The following PRKCH variants were observed in gnomAD, a reference collection of about 807,000 sequenced individuals.
PRKCH encodes protein kinase C eta type.
PRKCH carries 28 observed loss-of-function variants against 82.5 expected under a neutral mutation model. The observed-to-expected ratio is 0.34, with a 90% CI of 0.25 to 0.47. The LOEUF (loss-of-function observed/expected upper bound fraction) is 0.47. PRKCH is among the 20% of genes least tolerant of loss of function. PRKCH has a pLI of 1.00. For synonymous variants in PRKCH, 322 were observed against 327.4 expected (o/e 0.98, Z 0.18); for missense variants, 705 against 881.8 (o/e 0.80, Z 2.54).
At chr14:61,319,121 C>A (rs1161165993), upstream of PRKCH, among the ~76,000 whole-genome samples, 1 of 152,178 alleles carries the variant, frequency 6.6e-6, no homozygotes, top group Non-Finnish European at 1.5e-5. Flanking sequence ...GTCAGTGTGA[C>A]CACCTTTGCA....
intron 1 of PRKCH, among the ~76,000 whole-genome samples, chr14:61,375,642 A>G (rs2046419416): frequency 6.6e-6 from 1 of 151,952 alleles, no homozygotes; most frequent in African/African-American, 2.4e-5. Flanking sequence ...CACACTTTCA[A>G]ACAACCAGAT....
intron 10 of PRKCH, among the ~76,000 whole-genome samples, chr14:61,519,831 G>A (rs904885508): frequency 1.3e-5 from 2 of 150,528 alleles, no homozygotes; most frequent in Non-Finnish European, 2.9e-5. Flanking sequence ...TGCCATCCAC[G>A]ACAATCATAG....
At chr14:61,240,719 G>T (rs2044829856) in intron 1 of PRKCH, among the ~76,000 whole-genome samples, 1 of 150,500 alleles carries the variant, frequency 6.6e-6, no homozygotes, top group African/African-American at 2.5e-5. Flanking sequence ...GTGGCCATAT[G>T]GTCACCTGAG....
chr14:61,307,559 A>C (rs987593035), intron 1 of PRKCH, among the ~76,000 whole-genome samples: 1 of 152,252 alleles, frequency 6.6e-6, no homozygotes, highest in African/African-American at 2.4e-5. Context: ...AATAAAAAAC[A>C]TGCAGATACT....
At position 61,322,055 on chromosome 14, in the gene PRKCH, C is replaced by T. The variant is rs748824836; in HGVS notation, c.-47C>T. 5 of 1,490,190 alleles carry T rather than the reference C, an allele frequency of 3.4e-6. No individual in the cohort carries two copies. The South Asian group carries it at 6.6e-5, about 20-fold the overall frequency. The allele number at this position is 1,490,190 out of a possible 1,614,324, so 92.3% of individuals were successfully genotyped here. On this transcript the variant is annotated 5_prime_UTR_variant, in exon 1 of 14. Coordinates refer to ENST00000332981, the MANE Select transcript of PRKCH (RefSeq NM_006255.5). ...CCTGAGACGGGACTCCCGGTTCTCC[C>T]GCTGCGAAGCAGCGCGGCCCCCCGG...
intron 1 of PRKCH, among the ~76,000 whole-genome samples, chr14:61,338,717 A>G (rs921055733): frequency 1.3e-5 from 2 of 152,116 alleles, no homozygotes; most frequent in Non-Finnish European, 2.9e-5. Flanking sequence ...ATTTAAACTC[A>G]TTTTCCTTAA....
chr14:61,426,222 T>A (rs1001204873), intron 2 of PRKCH, among the ~76,000 whole-genome samples: 2 of 152,250 alleles, frequency 1.3e-5, no homozygotes. Context: ...TTCATTTGGC[T>A]TCTTCATGTA....
chr14:61,352,281 T>C (rs998791346), intron 1 of PRKCH, among the ~76,000 whole-genome samples: 1 of 152,208 alleles, frequency 6.6e-6, no homozygotes, highest in African/African-American at 2.4e-5. Flanking sequence ...ATTTATCCTT[T>C]CCTTAAAATC....
At chr14:61,279,102 C>A (rs1362002880) in intron 1 of PRKCH, 2 of 151,854 alleles carry the variant, frequency 1.3e-5, no homozygotes, top group East Asian at 3.9e-4. Context: ...TCTGATTCTA[C>A]GTTAAAGCAT....
At chr14:61,417,241 T>A (rs1882604221) in intron 2 of PRKCH, among the ~76,000 whole-genome samples, 1 of 152,206 alleles carries the variant, frequency 6.6e-6, no homozygotes, top group South Asian at 2.1e-4. Context: ...AGGGCTTCCT[T>A]CCTGTTGTCT....
intron 1 of PRKCH, among the ~76,000 whole-genome samples, chr14:61,218,417 T>C (rs1400899558): frequency 6.6e-6 from 1 of 152,168 alleles, no homozygotes; most frequent in Non-Finnish European, 1.5e-5. Context: ...TAGTAAAACA[T>C]CCGCCTTCAT....
In PRKCH at chr14:61,352,678, G is replaced by A. The variant is rs1048123706; in HGVS notation, c.363+30214G>A. Among the ~76,000 whole-genome samples the A allele has an allele frequency of 7.3e-3, 921 of 125,792 alleles. 5 individuals are homozygous for A. Among genetic ancestry groups the A allele is most frequent in the Middle Eastern group, 0.023 (6 of 256 alleles). 82.5% of individuals were successfully genotyped at this position (125,792 alleles called of 152,430 possible). ...AAAGAAAGAGAGAGAGAGAGAGAGAGAGAAAGGAAAGGAAAGAAAGAAAGA... is the reference window on the plus strand; with the variant it reads ...AAAGAAAGAGAGAGAGAGAGAGAGAAAGAAAGGAAAGGAAAGAAAGAAAGA... On this transcript the variant is annotated intron_variant, in intron 1 of 13. Coordinates refer to ENST00000332981, the MANE Select transcript of PRKCH (RefSeq NM_006255.5).
At chr14:61,349,079 G>A (rs2046036865) in intron 1 of PRKCH, among the ~76,000 whole-genome samples, 2 of 152,256 alleles carry the variant, frequency 1.3e-5, no homozygotes, top group African/African-American at 4.8e-5. Context: ...GTATGCACTT[G>A]AGACCTCTAA....
chr14:61,325,258 TAAAG>T, intron 1 of PRKCH, among the ~76,000 whole-genome samples: 1 of 152,276 alleles, frequency 6.6e-6, no homozygotes, highest in East Asian at 1.9e-4. Flanking sequence ...GATATTGGAA[TAAAG>T]AGAGTCATAC....
chr14:61,306,346 C>T (rs76870819), intron 1 of PRKCH: 6,652 of 152,360 alleles, frequency 0.044, 198 homozygotes, highest in Non-Finnish European at 0.064. Flanking sequence ...TTGTCCTCTT[C>T]TTCTGCATAC....
intron 2 of PRKCH, among the ~76,000 whole-genome samples, chr14:61,416,149 C>T (rs1364323301): frequency 2.0e-5 from 3 of 150,764 alleles, no homozygotes; most frequent in South Asian, 2.1e-4. Flanking sequence ...GCCCCGCCCC[C>T]GGGCTCAAGC....
At chr14:61,295,500 T>G (rs368559507) in intron 1 of PRKCH, among the ~76,000 whole-genome samples, 3 of 152,274 alleles carry the variant, frequency 2.0e-5, no homozygotes, top group East Asian at 1.9e-4. Context: ...GGACCTCAGG[T>G]TACTTGAATT....
At chr14:61,463,941 T>G (rs1319045381) in intron 9 of PRKCH, among the ~76,000 whole-genome samples, 1 of 152,248 alleles carries the variant, frequency 6.6e-6, no homozygotes, top group African/African-American at 2.4e-5. Context: ...TGTGTATATA[T>G]TCCGTTGTTT....
At chr14:61,539,095 T>C (rs1414302236) in intron 12 of PRKCH, among the ~76,000 whole-genome samples, 4 of 152,208 alleles carry the variant, frequency 2.6e-5, no homozygotes, top group African/African-American at 9.6e-5. Context: ...GAGACTGGTT[T>C]GTCAGGAATA....
Sources: gnomAD v4.1 joint callset for allele counts (sites outside exome capture counted in the v4.1 genomes callset) on GRCh38, gnomAD v4.1.1 for gene constraint, MANE v1.5 for transcripts, NCBI Gene and HGNC (gene_info 2026-07-23, HGNC 2026-07-21) for gene names.